GNAS: variants seen among roughly 807,000 people sequenced by gnomAD.
GNAS encodes the protein protein ALEX.
Under a neutral mutation model 54.5 loss-of-function variants are expected in GNAS, and 8 were observed. The observed-to-expected ratio is 0.15, with a 90% CI of 0.09 to 0.26. The LOEUF (loss-of-function observed/expected upper bound fraction) is 0.26, where lower values mean the gene tolerates loss of function less well. GNAS is among the 10% of genes least tolerant of loss of function. The pLI is 1.00. For missense variants in GNAS, 170 were observed against 529.8 expected (o/e 0.32, Z 6.67); for synonymous variants, 204 against 191.4 (o/e 1.07, Z -0.54).
At chr20:58,889,219 T>C (rs754531722), upstream of GNAS, 50 of 1,019,954 alleles carry the variant, frequency 4.9e-5, no homozygotes, top group Middle Eastern at 4.2e-4. Flanking sequence ...GTCAGGTGGC[T>C]GGCCGGCGCG....
chr20:58,900,645 G>A (rs1287382140), intron 3 of GNAS, among the ~76,000 whole-genome samples: 1 of 152,170 alleles, frequency 6.6e-6, no homozygotes, highest in Non-Finnish European at 1.5e-5. Context: ...CAATTTTGTA[G>A]CGAATCAGAA....
At chr20:58,901,500 G>C (rs781366603) in intron 3 of GNAS, among the ~76,000 whole-genome samples, 1 of 152,044 alleles carries the variant, frequency 6.6e-6, no homozygotes, top group South Asian at 2.1e-4. Context: ...GAGATTCTCC[G>C]GACCTGCAGC....
At position 58,841,195 on chromosome 20, in the gene GNAS, T is replaced by C; in HGVS notation, c.43+309T>C. On this transcript the variant is annotated intron_variant, in intron 1 of 12. Transcript: ENST00000306090. This position sits in a 1 kb window ranked among gnomAD's most constrained non-coding sequence, Gnocchi z 5.0. ...ACTGAATCCCGAACGCACCCCAGAT[T>C]TGGAGCTGCACACCCAAACGGCATT... 1 of 560,156 alleles carries C rather than the reference T, an allele frequency of 1.8e-6. No individual in the cohort carries two copies. Among genetic ancestry groups the C allele is most frequent in the Non-Finnish European group, 2.7e-6 (1 of 376,270 alleles). The allele number at this position is 560,156 out of a possible 1,614,324, so 34.7% of individuals were successfully genotyped here. A position where few individuals can be genotyped will look rare whatever the true frequency, so the allele number is the denominator to read the frequency against.
chr20:58,879,561 G>A (rs541462722), intron 1 of GNAS, among the ~76,000 whole-genome samples: 1 of 152,258 alleles, frequency 6.6e-6, no homozygotes, highest in East Asian at 1.9e-4. Context: ...ATATTTGAGA[G>A]GATCAGCTCA....
chr20:58,850,734 G>T (rs961869771), intron 1 of GNAS: 1 of 398,814 alleles, frequency 2.5e-6, no homozygotes, highest in East Asian at 3.6e-5. Flanking sequence ...TTGGCCCCTG[G>T]GACCCCACCT....
chr20:58,888,899 T>C (rs1402036667), upstream of GNAS: 1 of 169,826 alleles, frequency 5.9e-6, no homozygotes, highest in South Asian at 1.9e-4. Context: ...CACCGAAAAT[T>C]GGGAGGCAGG....
chr20:58,869,306 C>G (rs1404504570), intron 1 of GNAS, among the ~76,000 whole-genome samples: 1 of 152,174 alleles, frequency 6.6e-6, no homozygotes, highest in Non-Finnish European at 1.5e-5. Context: ...ATGAGGTATG[C>G]CAACCCCCTA....
intron 1 of GNAS, among the ~76,000 whole-genome samples, chr20:58,871,682 AAG>A (rs1439588360): frequency 6.7e-6 from 1 of 149,724 alleles, no homozygotes; most frequent in Non-Finnish European, 1.5e-5. Context: ...AGGAGGAAAA[AAG>A]AGGGAAAGGA....
rs1338347974 is a variant in GNAS at position 58,853,314 on chromosome 20, G to A, written c.43+12428G>A. On this transcript the variant is annotated intron_variant, in intron 1 of 12. Coordinates refer to the GNAS transcript ENST00000306090. The surrounding 1 kb of genome is among the most constrained non-coding windows in gnomAD (Gnocchi z 4.4). The stretch of plus-strand genomic sequence containing the variant: ...CGGCAATAATATGTCAGGACAACGC[G>A]ATATCCCCCCTGAAATCGGGGAACA... The A allele has an allele frequency of 5.8e-6, 9 of 1,550,310 alleles. No homozygotes were observed. The highest frequency in any genetic ancestry group is 7.0e-6 in the Non-Finnish European group (8 of 1,146,718).
intron 1 of GNAS, among the ~76,000 whole-genome samples, chr20:58,871,804 G>A (rs2087487992): frequency 6.6e-6 from 1 of 152,082 alleles, no homozygotes; most frequent in East Asian, 1.9e-4. Context: ...CCTTTGCCAA[G>A]TTTAGCTCTA....
intron 5 of GNAS, among the ~76,000 whole-genome samples, chr20:58,904,648 G>A (rs573421279): frequency 1.6e-4 from 24 of 152,256 alleles, no homozygotes; most frequent in South Asian, 2.1e-4. Flanking sequence ...TCAGGCTTTC[G>A]TGGGAATTTG....
chr20:58,905,291 A>T lies in GNAS; in HGVS notation c.433-92A>T, dbSNP rs933660087. 107 of 795,474 alleles carry T rather than the reference A, an allele frequency of 1.3e-4. 1 individual carries two copies. The highest frequency in any genetic ancestry group is 3.4e-5 in the Non-Finnish European group (15 of 442,334). 49.3% of individuals were successfully genotyped at this position (795,474 alleles called of 1,614,324 possible). ...CAAAATCACACCAAGTGTCGGTCAC[A>T]TAGGGAACTCTGGTCTCAGGGTTTG... On this transcript the variant is annotated intron_variant, in intron 5 of 12. Coordinates refer to ENST00000371085, the MANE Select transcript of GNAS (RefSeq NM_000516.7).
chr20:58,901,431 G>C (rs2090590769), intron 3 of GNAS, among the ~76,000 whole-genome samples: 1 of 152,182 alleles, frequency 6.6e-6, no homozygotes, highest in African/African-American at 2.4e-5. Flanking sequence ...GCCAGAATCA[G>C]ATTTCAGATT....
chr20:58,841,609 C>T lies in GNAS; in HGVS notation c.43+723C>T. On this transcript the variant is annotated intron_variant, in intron 1 of 12. Transcript: ENST00000306090. The surrounding 1 kb of genome is among the most constrained non-coding windows in gnomAD (Gnocchi z 5.0). The stretch of plus-strand genomic sequence containing the variant: ...GAGACCGCCTCAAAGAGCGTGCGCA[C>T]CTGCCCGCGCGCGCCGGAGCTGACC... The T allele has an allele frequency of 9.6e-7, 1 of 1,039,302 alleles. No individual in the cohort carries two copies. Among genetic ancestry groups the T allele is most frequent in the Non-Finnish European group, 1.2e-6 (1 of 865,376 alleles). 64.4% of individuals were successfully genotyped at this position (1,039,302 alleles called of 1,614,324 possible). A position where few individuals can be genotyped will look rare whatever the true frequency, so the allele number is the denominator to read the frequency against.
Position 58,853,284 on chromosome 20 carries a change from C to G in GNAS, c.43+12398C>G, listed in dbSNP as rs2086257088. On this transcript the variant is annotated intron_variant, in intron 1 of 12. Coordinates refer to the GNAS transcript ENST00000306090. This position sits in a 1 kb window ranked among gnomAD's most constrained non-coding sequence, Gnocchi z 4.4. ...CCGTGTTATGGGCGTGCGCAACTGC[C>G]TCTACGGCAATAATATGTCAGGACA... The G allele has an allele frequency of 6.5e-7, 1 of 1,548,830 alleles. No homozygotes were observed. Among genetic ancestry groups the G allele is most frequent in the African/African-American group, 1.4e-5 (1 of 72,972 alleles).
rs141913246 is a variant in GNAS at position 58,893,338 on chromosome 20, A to T, written c.139+1473A>T. 7.5e-3 allele frequency among the ~76,000 whole-genome samples: 1,143 copies of T among 152,210 alleles called. 9 individuals carry two copies. The highest frequency in any genetic ancestry group is 0.027 in the African/African-American group (1,105 of 41,514). On this transcript the variant is annotated intron_variant, in intron 1 of 12. Coordinates refer to ENST00000371085, the MANE Select transcript of GNAS (RefSeq NM_000516.7). ...TAAGGTGCTGTTTTGGGGGAAAAAA[A>T]TGTAATGAAATGACCAAAAGAATTA...
upstream of GNAS, among the ~76,000 whole-genome samples, chr20:58,890,214 A>G (rs1166523320): frequency 1.3e-5 from 2 of 150,786 alleles, no homozygotes; most frequent in Non-Finnish European, 3.0e-5. Flanking sequence ...GAAGAAGAAG[A>G]AGGTGCCAGA....
At chr20:58,885,837 A>C (rs986659892) in intron 1 of GNAS, among the ~76,000 whole-genome samples, 2 of 152,250 alleles carry the variant, frequency 1.3e-5, no homozygotes, top group Non-Finnish European at 2.9e-5. Context: ...TGAAGACAGG[A>C]AACACTGTGG....
upstream of GNAS, among the ~76,000 whole-genome samples, chr20:58,887,200 T>A (rs988891816): frequency 6.6e-6 from 1 of 152,246 alleles, no homozygotes; most frequent in Non-Finnish European, 1.5e-5. Flanking sequence ...ATCTAGGTTG[T>A]ATTTGTTACT....
Sources: allele counts gnomAD v4.1 joint callset (sites outside exome capture counted in the v4.1 genomes callset), GRCh38; gene constraint gnomAD v4.1.1; non-coding constraint Gnocchi (gnomAD v3.1); transcripts MANE v1.5; gene names NCBI Gene and HGNC (gene_info 2026-07-23, HGNC 2026-07-21).